EXOC1: variants seen among roughly 807,000 people sequenced by gnomAD.
EXOC1 encodes the protein SEC3-like 1.
A neutral mutation model predicts 107.7 loss-of-function variants in EXOC1; 67 were observed. The ratio of observed to expected loss-of-function variants is 0.62; its 90% CI spans 0.51 to 0.76. EXOC1 has a LOEUF of 0.76. Ranked by LOEUF, EXOC1 falls within the 30% of genes least tolerant of loss-of-function variation. The pLI is 0.00. For missense variants in EXOC1, 833 were observed against 1,055.7 expected, an observed-to-expected ratio of 0.79 and a Z score of 2.92; for synonymous variants, 348 against 353.5, an observed-to-expected ratio of 0.98 and a Z score of 0.17.
Position 55,876,480 on chromosome 4 carries a change from A to G in EXOC1, c.1075-1437A>G, listed in dbSNP as rs553454377. 1.0e-5 allele frequency: 7 copies of G among 688,142 alleles called. 1 individual carries two copies. In the African/African-American group the frequency reaches 1.2e-4, roughly 11 times the overall value. 42.6% of individuals were successfully genotyped at this position (688,142 alleles called of 1,614,324 possible). ...CACTCTAAGCACTATAAATAGGCCC[A>G]TGTCAGTTCAGGTCACATTTTACCA... On this transcript the variant is annotated intron_variant, in intron 8 of 18. Coordinates refer to ENST00000381295, the MANE Select transcript of EXOC1 (RefSeq NM_001024924.2).
In EXOC1 at chr4:55,902,193, G is replaced by A. The variant is rs551568482; in HGVS notation, c.2338-151G>A. The A allele has an allele frequency of 2.8e-4, 136 of 481,504 alleles. 1 individual carries two copies. Among genetic ancestry groups the A allele is most frequent in the Non-Finnish European group, 4.5e-4 (130 of 289,002 alleles). The allele number at this position is 481,504 out of a possible 1,614,324, so 29.8% of individuals were successfully genotyped here. On this transcript the variant is annotated intron_variant, in intron 17 of 18. Coordinates refer to ENST00000381295, the MANE Select transcript of EXOC1 (RefSeq NM_001024924.2). ...AATATTAACAATGTTCATCTCAGAAGTATGTTAATAAGTGATTGTTATTTT... is the reference window on the plus strand; with the variant it reads ...AATATTAACAATGTTCATCTCAGAAATATGTTAATAAGTGATTGTTATTTT...
rs1009548686 is a variant in EXOC1 at position 55,878,247 on chromosome 4, A to G, written c.1224+181A>G. Among the ~76,000 whole-genome samples, 64 of 152,204 alleles carry G rather than the reference A, an allele frequency of 4.2e-4. 1 individual carries two copies. The highest frequency in any genetic ancestry group is 3.1e-4 in the Non-Finnish European group (21 of 68,038). ...TATTAACTTGGATAAAGGAGAGCTA[A>G]ATTTTAAACTTCAGTATGGAAAAAT... On this transcript the variant is annotated intron_variant, in intron 9 of 18. Coordinates refer to ENST00000381295, the MANE Select transcript of EXOC1 (RefSeq NM_001024924.2).
intron 8 of EXOC1, chr4:55,875,747 C>CT (rs1722839692): frequency 2.0e-6 from 2 of 985,224 alleles, no homozygotes; most frequent in Non-Finnish European, 2.4e-6. Flanking sequence ...TATTCTTCCC[C>CT]TTTAATCAGC....
intron 3 of EXOC1, among the ~76,000 whole-genome samples, chr4:55,862,538 C>G (rs896760257): frequency 6.6e-6 from 1 of 152,104 alleles, no homozygotes; most frequent in African/African-American, 2.4e-5. Context: ...TGCCAATACT[C>G]TTGTTGTGTT....
At chr4:55,898,061 C>G (rs114119584) in intron 16 of EXOC1, among the ~76,000 whole-genome samples, 2,024 of 152,208 alleles carry the variant, frequency 0.013, 22 homozygotes, top group Middle Eastern at 0.031. Context: ...TCAAGACCAG[C>G]CTGGGCATCA....
In EXOC1 at chr4:55,905,049, G is replaced by C. The variant is rs1461523828; in HGVS notation, c.*554G>C. On this transcript the variant is annotated 3_prime_UTR_variant, in exon 19 of 19. Transcript: ENST00000381295. ...GATAATATTTTTAGGTCTATCATATGCTGTCTTCTGTATTAAAGCAAGTTC... is the reference window on the plus strand; with the variant it reads ...GATAATATTTTTAGGTCTATCATATCCTGTCTTCTGTATTAAAGCAAGTTC... 2 of 152,130 alleles carry C rather than the reference G, an allele frequency of 1.3e-5. No individual in the cohort carries two copies. The highest frequency in any genetic ancestry group is 2.9e-5 in the Non-Finnish European group (2 of 68,044). 9.4% of individuals were successfully genotyped at this position (152,130 alleles called of 1,614,324 possible).
chr4:55,857,223 G>A (rs1382515297), intron 1 of EXOC1, among the ~76,000 whole-genome samples: 11 of 115,828 alleles, frequency 9.5e-5, no homozygotes, highest in Admixed American at 7.4e-4. Context: ...CTGTCTCCCA[G>A]GCTGTAGTGC....
At chr4:55,902,590 T>A in intron 18 of EXOC1, 52 bp downstream of exon 18, 2 of 1,352,358 alleles carry the variant, frequency 1.5e-6, no homozygotes, top group Non-Finnish European at 1.9e-6. Context: ...CATATATTGC[T>A]TTTCTTTAAA....
chr4:55,897,228 A>G (rs1431736766), intron 16 of EXOC1, among the ~76,000 whole-genome samples: 4 of 150,692 alleles, frequency 2.7e-5, no homozygotes, highest in Admixed American at 2.6e-4. Context: ...CCAGGCTCAA[A>G]AGATCCTCCT....
Position 55,893,605 on chromosome 4 carries a change from A to C in EXOC1, c.1778A>C (p.Glu593Ala). The C allele has an allele frequency of 1.2e-6, 2 of 1,614,072 alleles. No individual in the cohort carries two copies. The highest frequency in any genetic ancestry group is 1.7e-6 in the Non-Finnish European group (2 of 1,180,012). The part of the protein sequence containing the change: ...MIKIFRCIEP[E>A]LNNLIALGDK... ...AAAATATTTCGCTGCATTGAGCCAG[A>C]GCTGAACAACCTAATTGCATTAGGA... Residue 593 changes from glutamate to alanine, a missense_variant, in exon 15 of 19, where the codon GAG becomes GCG. Around this residue, in one of 2 missense-constraint regions of EXOC1, gnomAD observed 617 missense variants for 701.3 expected, o/e 0.88. Coordinates refer to ENST00000381295, the MANE Select transcript of EXOC1 (RefSeq NM_001024924.2).
intron 17 of EXOC1, 107 bp from the exon 18 acceptor site, chr4:55,902,237 C>T (rs1427359078): frequency 2.6e-6 from 2 of 768,648 alleles, no homozygotes; most frequent in African/African-American, 3.6e-5. Context: ...TACTTTCACA[C>T]ACTGATTTTT....
chr4:55,900,180 A>G (rs1327772014), intron 17 of EXOC1, among the ~76,000 whole-genome samples: 1 of 152,206 alleles, frequency 6.6e-6, no homozygotes, highest in Non-Finnish European at 1.5e-5. Flanking sequence ...AAGCTAAGAT[A>G]ATATTATCCC....
In EXOC1 at chr4:55,877,774, T is replaced by C. The variant is rs996733768; in HGVS notation, c.1075-143T>C. ...AAAAGTTGTGTAAGTATTTGGTTTT[T>C]ATTTTTCTGTGTTCTATTCTTAATT... On this transcript the variant is annotated intron_variant, in intron 8 of 18. Coordinates refer to ENST00000381295, the MANE Select transcript of EXOC1 (RefSeq NM_001024924.2). 1.2e-5 allele frequency: 17 copies of C among 1,443,248 alleles called. No individual in the cohort carries two copies. In the Admixed American group the frequency reaches 3.5e-4, roughly 30 times the overall value. 89.4% of individuals were successfully genotyped at this position (1,443,248 alleles called of 1,614,324 possible).
chr4:55,867,374 T>C (rs1722050764), intron 4 of EXOC1, among the ~76,000 whole-genome samples: 1 of 152,184 alleles, frequency 6.6e-6, no homozygotes, highest in Non-Finnish European at 1.5e-5. Flanking sequence ...AAATATTCAT[T>C]TTCCTATAAA....
At chr4:55,888,293 T>C (rs1303053144) in intron 10 of EXOC1, among the ~76,000 whole-genome samples, 2 of 152,242 alleles carry the variant, frequency 1.3e-5, no homozygotes, top group African/African-American at 4.8e-5. Flanking sequence ...GTTAGTGTTA[T>C]GATATATATC....
chr4:55,888,581 T>C (rs1357862835), intron 10 of EXOC1, among the ~76,000 whole-genome samples: 1 of 151,694 alleles, frequency 6.6e-6, no homozygotes, highest in East Asian at 1.9e-4. Flanking sequence ...TAAATTTAAG[T>C]GTACCAGCTT....
intron 16 of EXOC1, among the ~76,000 whole-genome samples, chr4:55,897,439 T>C (rs1267428358): frequency 6.6e-6 from 1 of 152,174 alleles, no homozygotes; most frequent in African/African-American, 2.4e-5. Context: ...GACTCAGTTT[T>C]TCATATCTAC....
chr4:55,902,366 C>A lies in EXOC1; in HGVS notation c.2360C>A (p.Ala787Asp). The A allele has an allele frequency of 6.7e-7, 1 of 1,487,776 alleles. No individual in the cohort carries two copies. The allele number at this position is 1,487,776 out of a possible 1,614,324, so 92.2% of individuals were successfully genotyped here. A position where few individuals can be genotyped will look rare whatever the true frequency, so the allele number is the denominator to read the frequency against. ...KLNHFFEGVE[A>D]RVAQGIREEE... Reference sequence around the variant, plus strand: ...AAGCATTTCTTTGAAGGTGTTGAAGCTCGCGTGGCACAGGGCATAAGGGAG... The same window carrying A: ...AAGCATTTCTTTGAAGGTGTTGAAGATCGCGTGGCACAGGGCATAAGGGAG... Residue 787 changes from alanine (A) to aspartate (D), a missense_variant, in exon 18 of 19, where the codon GCT becomes GAT. Physicochemically the swap from Ala to Asp is moderately radical, Grantham distance 126. Transcript: ENST00000381295.
intron 2 of EXOC1, 50 bp from the exon 3 acceptor site, chr4:55,860,361 T>C: frequency 6.2e-7 from 1 of 1,604,218 alleles, no homozygotes; most frequent in Non-Finnish European, 8.5e-7. Context: ...GAATGAAGAA[T>C]GAGTGAAAGG....
Sources: allele counts gnomAD v4.1 joint callset (sites outside exome capture counted in the v4.1 genomes callset), GRCh38; gene constraint gnomAD v4.1.1; regional missense constraint gnomAD v4.1.1; transcripts MANE v1.5; gene names NCBI Gene and HGNC (gene_info 2026-07-23, HGNC 2026-07-21).